PKIB: variants seen among roughly 807,000 people sequenced by gnomAD.
PKIB encodes the protein PKI-beta.
In PKIB, 2 loss-of-function variants were observed where a neutral mutation model predicts 4.5. The observed-to-expected ratio is 0.44, with a 90% CI of 0.18 to 1.39. The LOEUF (loss-of-function observed/expected upper bound fraction) is 1.39. PKIB is among the 40% of genes most tolerant of loss of function. The pLI, the probability that PKIB is intolerant of heterozygous loss-of-function variation, is 0.27. For missense variants in PKIB, 94 were observed against 92.6 expected (o/e 1.02, Z -0.06); for synonymous variants, 38 against 36.0 (o/e 1.06, Z -0.20).
intron 1 of PKIB, chr6:122,477,804 C>G (rs944327159): frequency 6.6e-6 from 1 of 152,176 alleles, no homozygotes; most frequent in South Asian, 2.1e-4. Context: ...ATACCTAAAG[C>G]TCTTTCTACT....
At chr6:122,555,216 C>A (rs79348676) in intron 2 of PKIB, among the ~76,000 whole-genome samples, 1 of 152,058 alleles carries the variant, frequency 6.6e-6, no homozygotes, top group Non-Finnish European at 1.5e-5. Context: ...AGTTGAGTCT[C>A]GAGGATTAAT....
At chr6:122,522,640 A>G (rs1776980022) in intron 2 of PKIB, among the ~76,000 whole-genome samples, 1 of 152,102 alleles carries the variant, frequency 6.6e-6, no homozygotes, top group African/African-American at 2.4e-5. Flanking sequence ...TCTGTCCCTC[A>G]TGGCTTCCCT....
chr6:122,536,678 CTT>C (rs1777415109), intron 2 of PKIB, among the ~76,000 whole-genome samples: 2 of 151,912 alleles, frequency 1.3e-5, no homozygotes. Flanking sequence ...TATGAAAAAA[CTT>C]TTGATTTGAA....
intron 2 of PKIB, among the ~76,000 whole-genome samples, chr6:122,556,007 G>T (rs1284766308): frequency 6.6e-6 from 1 of 152,186 alleles, no homozygotes; most frequent in Non-Finnish European, 1.5e-5. Context: ...GTCTGGTTCT[G>T]TGTGCCCACC....
intron 3 of PKIB, among the ~76,000 whole-genome samples, chr6:122,699,782 G>A (rs1339479973): frequency 6.6e-6 from 1 of 152,152 alleles, no homozygotes; most frequent in East Asian, 1.9e-4. Flanking sequence ...TTGGGTCAGA[G>A]CGTCCATGTC....
At chr6:122,627,202 CT>C (rs1775486819) in intron 1 of PKIB, among the ~76,000 whole-genome samples, 1 of 151,302 alleles carries the variant, frequency 6.6e-6, no homozygotes, top group African/African-American at 2.4e-5. Flanking sequence ...GAGATTGTGC[CT>C]ACTGCACTCC....
intron 2 of PKIB, among the ~76,000 whole-genome samples, chr6:122,551,849 G>A (rs1198610206): frequency 7.0e-6 from 1 of 142,628 alleles, no homozygotes; most frequent in African/African-American, 2.5e-5. Context: ...AGAAAGTGAC[G>A]GAAGGAATCT....
chr6:122,573,681 T>A (rs760362964), intron 2 of PKIB, among the ~76,000 whole-genome samples: 51 of 152,072 alleles, frequency 3.4e-4, no homozygotes, highest in Non-Finnish European at 5.7e-4. Context: ...AAAATAATTA[T>A]CTCAATAGAT....
chr6:122,501,428 A>G (rs1421925633), intron 2 of PKIB, among the ~76,000 whole-genome samples: 2 of 152,204 alleles, frequency 1.3e-5, no homozygotes, highest in Non-Finnish European at 2.9e-5. Context: ...AAGTGTTTCT[A>G]TACATCCTCT....
chr6:122,675,684 C>G (rs1006087339), intron 3 of PKIB, among the ~76,000 whole-genome samples: 1 of 151,854 alleles, frequency 6.6e-6, no homozygotes, highest in South Asian at 2.1e-4. Flanking sequence ...GATCAACTCA[C>G]GAATGAGGAA....
chr6:122,599,864 C>T (rs12662708), intron 3 of PKIB, among the ~76,000 whole-genome samples: 8,716 of 152,006 alleles, frequency 0.057, 945 homozygotes, highest in East Asian at 0.28. Flanking sequence ...TCCAGAAACC[C>T]CAAAACCAAT....
chr6:122,546,146 G>A (rs1296633320), intron 2 of PKIB, among the ~76,000 whole-genome samples: 1 of 152,078 alleles, frequency 6.6e-6, no homozygotes, highest in African/African-American at 2.4e-5. Flanking sequence ...AAGCTGCACA[G>A]TTCTTCCTTT....
At chr6:122,490,775 A>G (rs899771945) in intron 2 of PKIB, among the ~76,000 whole-genome samples, 66 of 152,292 alleles carry the variant, frequency 4.3e-4, no homozygotes, top group African/African-American at 1.3e-3. Flanking sequence ...AGTCTCAGCT[A>G]TTTCTTTATA....
intron 2 of PKIB, among the ~76,000 whole-genome samples, chr6:122,490,339 G>A (rs1775903085): frequency 6.6e-6 from 1 of 152,182 alleles, no homozygotes; most frequent in South Asian, 2.1e-4. Flanking sequence ...TTATTAAAGT[G>A]TGCCCTTACC....
At chr6:122,600,502 T>A (rs1477486005) in intron 3 of PKIB, among the ~76,000 whole-genome samples, 1 of 152,234 alleles carries the variant, frequency 6.6e-6, no homozygotes, top group Non-Finnish European at 1.5e-5. Flanking sequence ...TGGGATTAGT[T>A]CTTGTTCCTT....
chr6:122,569,603 A>G (rs1338815078), intron 2 of PKIB, among the ~76,000 whole-genome samples: 2 of 152,208 alleles, frequency 1.3e-5, no homozygotes, highest in Non-Finnish European at 2.9e-5. Context: ...TTCGTCAGAA[A>G]TGGTGCTGGT....
chr6:122,625,985 C>T (rs1459108180), intron 1 of PKIB, among the ~76,000 whole-genome samples: 1 of 152,034 alleles, frequency 6.6e-6, no homozygotes, highest in African/African-American at 2.4e-5. Context: ...GGGAGGATCA[C>T]TTGAGCCCAG....
At chr6:122,493,857 A>G (rs1189532461) in intron 2 of PKIB, among the ~76,000 whole-genome samples, 1 of 152,148 alleles carries the variant, frequency 6.6e-6, no homozygotes, top group East Asian at 1.9e-4. Flanking sequence ...GACCACAGCC[A>G]GGGACCACAT....
At position 122,542,656 on chromosome 6, in the gene PKIB, C is replaced by T. The variant is rs112730339; in HGVS notation, c.-247-43265C>T. ...GGGGGTGCCTCCCAGTTAGGCTGCT[C>T]GGGGGTCAAGGACCCACTTGAGGAG... is the stretch of plus-strand genomic sequence containing the variant. On this transcript the variant is annotated intron_variant, in intron 2 of 6. Coordinates refer to the PKIB transcript ENST00000392491. 5.9e-5 allele frequency among the ~76,000 whole-genome samples: 9 copies of T among 152,076 alleles called. 1 individual carries two copies. The highest frequency in any genetic ancestry group is 1.3e-4 in the Admixed American group (2 of 15,268).
Sources: gnomAD v4.1 joint callset for allele counts (sites outside exome capture counted in the v4.1 genomes callset) on GRCh38, gnomAD v4.1.1 for gene constraint, MANE v1.5 for transcripts, NCBI Gene and HGNC (gene_info 2026-07-23, HGNC 2026-07-21) for gene names.